TCF7L2: variants seen among roughly 807,000 people sequenced by gnomAD.
TCF7L2 encodes transcription factor 7 like 2, also known as transcription factor 7-like 2.
Under a neutral mutation model 77.9 loss-of-function variants are expected in TCF7L2, and 23 were observed. The observed-to-expected ratio is 0.30, with a 90% confidence interval of 0.21 to 0.42. TCF7L2 has a LOEUF of 0.42. Ranked by LOEUF, TCF7L2 falls within the 10% of genes least tolerant of loss-of-function variation. The probability of loss-of-function intolerance (pLI) is 1.00; values close to 1 mark genes in which losing one functional copy is unlikely to be tolerated. For missense variants in TCF7L2, 654 were observed against 793.1 expected (o/e 0.82, Z 2.11); for synonymous variants, 413 against 340.2 (o/e 1.21, Z -2.36).
At chr10:113,131,987 C>T (rs2066675122) in intron 5 of TCF7L2, 1 of 152,248 alleles carries the variant, frequency 6.6e-6, no homozygotes, top group South Asian at 2.1e-4. Flanking sequence ...CATGGTGACT[C>T]TGTGTCATTT....
At chr10:113,013,467 G>A (rs1386307682) in intron 4 of TCF7L2, among the ~76,000 whole-genome samples, 1 of 152,178 alleles carries the variant, frequency 6.6e-6, no homozygotes, top group Admixed American at 6.5e-5. Context: ...GGAAACAGAA[G>A]TTCTAGGCAA....
At chr10:113,120,301 C>T (rs1341838402) in intron 5 of TCF7L2, among the ~76,000 whole-genome samples, 1 of 152,172 alleles carries the variant, frequency 6.6e-6, no homozygotes, top group Non-Finnish European at 1.5e-5. Flanking sequence ...GGACCATCCT[C>T]ACACAGACGG....
chr10:113,068,552 C>G (rs1367602152), intron 5 of TCF7L2, among the ~76,000 whole-genome samples: 4 of 152,158 alleles, frequency 2.6e-5, no homozygotes, highest in Non-Finnish European at 4.4e-5. Context: ...GAGATGGACA[C>G]CAGAATTCAC....
intron 5 of TCF7L2, among the ~76,000 whole-genome samples, chr10:113,139,356 A>T (rs7080044): frequency 0.43 from 65,023 of 151,986 alleles, 16,310 homozygotes; most frequent in African/African-American, 0.69. Flanking sequence ...TCCTGAGCAA[A>T]TCTTCCTCTT....
chr10:113,166,104 T>A lies in TCF7L2; in HGVS notation c.*132T>A, dbSNP rs1405992337. On this transcript the variant is annotated 3_prime_UTR_variant, in exon 14 of 14. Transcript: ENST00000627217. ...TGTGCCATGTGGCTACATTAGTTGATGTTTATCGAGTTCATTGGTCAATAT... is the reference window on the plus strand; with the variant it reads ...TGTGCCATGTGGCTACATTAGTTGAAGTTTATCGAGTTCATTGGTCAATAT... 3.9e-6 allele frequency: 3 copies of A among 776,208 alleles called. No individual in the cohort carries two copies. Among genetic ancestry groups the A allele is most frequent in the East Asian group, 6.4e-5 (2 of 31,430 alleles). The allele number at this position is 776,208 out of a possible 1,614,324, so 48.1% of individuals were successfully genotyped here. A position where few individuals can be genotyped will look rare whatever the true frequency, so the allele number is the denominator to read the frequency against.
At chr10:113,064,498 G>A (rs1327088328) in intron 5 of TCF7L2, among the ~76,000 whole-genome samples, 1 of 152,210 alleles carries the variant, frequency 6.6e-6, no homozygotes, top group Non-Finnish European at 1.5e-5. Flanking sequence ...TAAGGCAAAT[G>A]CACATGGGTT....
intron 4 of TCF7L2, among the ~76,000 whole-genome samples, chr10:112,991,719 A>G (rs1008218691): frequency 6.6e-6 from 1 of 151,924 alleles, no homozygotes; most frequent in Non-Finnish European, 1.5e-5. Context: ...TTTCCTGGAG[A>G]AGGCCCCTGT....
intron 5 of TCF7L2, 88 bp downstream of exon 5, chr10:113,040,214 A>AT: frequency 1.8e-6 from 2 of 1,133,042 alleles, no homozygotes; most frequent in South Asian, 1.5e-5. Context: ...CTTATTTGTC[A>AT]TTTTTTTCTT....
chr10:113,069,537 A>G (rs562001780), intron 5 of TCF7L2, among the ~76,000 whole-genome samples: 3 of 152,216 alleles, frequency 2.0e-5, no homozygotes, highest in South Asian at 2.1e-4. Context: ...GCCAGTATCT[A>G]TAACTGAAGG....
chr10:112,984,623 GA>G (rs1347039707), intron 4 of TCF7L2, among the ~76,000 whole-genome samples: 5 of 151,994 alleles, frequency 3.3e-5, no homozygotes, highest in Admixed American at 3.3e-4. Context: ...ATTGTGAGAT[GA>G]GGCATTTTTC....
intron 4 of TCF7L2, among the ~76,000 whole-genome samples, chr10:112,993,619 C>T (rs960983797): frequency 1.3e-5 from 2 of 152,166 alleles, no homozygotes; most frequent in Non-Finnish European, 2.9e-5. Context: ...CTGGGCTTAT[C>T]GTTATCTGTA....
chr10:113,034,767 G>A (rs763392935), intron 4 of TCF7L2, among the ~76,000 whole-genome samples: 14 of 152,052 alleles, frequency 9.2e-5, no homozygotes, highest in Non-Finnish European at 2.1e-4. Flanking sequence ...GTGGTGATAC[G>A]CGCCTGTAAT....
In TCF7L2 at chr10:112,977,370, G is replaced by A. The variant is rs1438647046; in HGVS notation, c.450+12746G>A. 2.0e-5 allele frequency among the ~76,000 whole-genome samples: 3 copies of A among 152,328 alleles called. No homozygotes were observed. The Middle Eastern group carries it at 0.01, about 518-fold the overall frequency. ...TTTTTAAGTTGATTCAGTAAGCATT[G>A]TTGATGATTGAAATTGAAGAATTGT... On this transcript the variant is annotated intron_variant, in intron 4 of 13. Coordinates refer to ENST00000627217, the MANE Select transcript of TCF7L2 (RefSeq NM_001146274.2).
chr10:113,028,344 A>G (rs148550833), intron 4 of TCF7L2, among the ~76,000 whole-genome samples: 1 of 152,276 alleles, frequency 6.6e-6, no homozygotes, highest in Non-Finnish European at 1.5e-5. Flanking sequence ...CCAGAAGGTC[A>G]GCCTCCCGTA....
intron 5 of TCF7L2, among the ~76,000 whole-genome samples, chr10:113,099,246 G>A (rs903291347): frequency 6.6e-6 from 1 of 152,166 alleles, no homozygotes; most frequent in Non-Finnish European, 1.5e-5. Flanking sequence ...GAGTGAAAAC[G>A]GCTTTTGGAG....
chr10:113,007,406 T>C (rs1180597843), intron 4 of TCF7L2, among the ~76,000 whole-genome samples: 5 of 152,160 alleles, frequency 3.3e-5, no homozygotes. Flanking sequence ...GATTTTAACA[T>C]ATATCACAGG....
rs868308703 is a variant in TCF7L2 at position 113,044,624 on chromosome 10, G to C, written c.552+4498G>C. On this transcript the variant is annotated intron_variant, in intron 5 of 13. Coordinates refer to ENST00000627217, the MANE Select transcript of TCF7L2 (RefSeq NM_001146274.2). ...GTATGACCAGGGGGACCTGATTTCG[G>C]CTGAGAAGTTGGCGGGGATTACAGG... 7.9e-5 allele frequency among the ~76,000 whole-genome samples: 12 copies of C among 152,338 alleles called. No individual in the cohort carries two copies. The East Asian group carries it at 2.3e-3, about 29-fold the overall frequency.
chr10:113,163,298 T>G (rs2073489267), intron 13 of TCF7L2, among the ~76,000 whole-genome samples: 1 of 152,218 alleles, frequency 6.6e-6, no homozygotes, highest in Admixed American at 6.5e-5. Context: ...TTGACATTTG[T>G]GGACATTTTA....
intron 5 of TCF7L2, among the ~76,000 whole-genome samples, chr10:113,042,215 C>T (rs1402624534): frequency 2.6e-5 from 4 of 152,084 alleles, no homozygotes; most frequent in Non-Finnish European, 5.9e-5. Context: ...GGATTTTGGC[C>T]AGGGGTGCAG....
Sources: gnomAD v4.1 joint callset for allele counts (sites outside exome capture counted in the v4.1 genomes callset) on GRCh38, gnomAD v4.1.1 for gene constraint, MANE v1.5 for transcripts, NCBI Gene and HGNC (gene_info 2026-07-23, HGNC 2026-07-21) for gene names.